Variants in TMIGD3 observed in about 807,000 individuals in gnomAD.
The protein encoded by TMIGD3 is AD026 protein (AD026).
A neutral mutation model predicts 28.1 loss-of-function variants in TMIGD3; 21 were observed. The observed-to-expected ratio is 0.75, with a 90% CI of 0.53 to 1.08. The LOEUF (loss-of-function observed/expected upper bound fraction) is 1.08. Among genes scored for constraint, TMIGD3 ranks in the 50% least tolerant of loss-of-function variants. The pLI is 0.00. For synonymous variants in TMIGD3, 151 were observed against 162.1 expected (o/e 0.93, Z 0.52); for missense variants, 416 against 435.6 (o/e 0.96, Z 0.40).
upstream of TMIGD3, among the ~76,000 whole-genome samples, chr1:111,506,823 C>T (rs1655505528): frequency 6.6e-6 from 1 of 151,020 alleles, no homozygotes; most frequent in Non-Finnish European, 1.5e-5. Context: ...GGCTGGGGCC[C>T]CAAGGTGAGC....
intron 1 of TMIGD3, among the ~76,000 whole-genome samples, chr1:111,562,050 C>T (rs1657762204): frequency 6.6e-6 from 1 of 152,196 alleles, no homozygotes; most frequent in African/African-American, 2.4e-5. Flanking sequence ...TTTTTCTCAA[C>T]TGGGACAGCC....
intron 1 of TMIGD3, among the ~76,000 whole-genome samples, chr1:111,555,090 G>A (rs1657427730): frequency 6.6e-6 from 1 of 151,996 alleles, no homozygotes; most frequent in Non-Finnish European, 1.5e-5. Flanking sequence ...GGCAGGCGGG[G>A]CACAGTGACT....
chr1:111,508,652 G>T (rs772589065), intron 1 of TMIGD3, among the ~76,000 whole-genome samples: 5 of 152,192 alleles, frequency 3.3e-5, no homozygotes, highest in Non-Finnish European at 7.4e-5. Flanking sequence ...AAGCAGCTTT[G>T]CCTTTCAAAC....
At chr1:111,547,037 T>A (rs1657058720) in intron 1 of TMIGD3, among the ~76,000 whole-genome samples, 1 of 152,226 alleles carries the variant, frequency 6.6e-6, no homozygotes. Flanking sequence ...CTGTTGTGCA[T>A]CAAATTATTT....
intron 1 of TMIGD3, among the ~76,000 whole-genome samples, chr1:111,492,628 A>G (rs1654718948): frequency 6.6e-6 from 1 of 152,108 alleles, no homozygotes; most frequent in African/African-American, 2.4e-5. Flanking sequence ...AGCCTGGCCA[A>G]TATGGTGAAA....
Position 111,563,479 on chromosome 1 carries a change from C to G in TMIGD3, c.107+367G>C, listed in dbSNP as rs114329977. On this transcript the variant is annotated intron_variant, in intron 1 of 5. Coordinates refer to the TMIGD3 transcript ENST00000369717. ...GTTTTTCTGAACCTTGAGGGACATTCGGGAGAAACGAGCCTGAGTTTTATA... is the reference window on the plus strand; with the variant it reads ...GTTTTTCTGAACCTTGAGGGACATTGGGGAGAAACGAGCCTGAGTTTTATA... Among the ~76,000 whole-genome samples, 718 of 152,086 alleles carry G rather than the reference C, an allele frequency of 4.7e-3. 5 individuals are homozygous for G. The highest frequency in any genetic ancestry group is 0.016 in the African/African-American group (672 of 41,486).
chr1:111,547,052 A>C (rs781265181), intron 1 of TMIGD3, among the ~76,000 whole-genome samples: 1 of 152,132 alleles, frequency 6.6e-6, no homozygotes, highest in African/African-American at 2.4e-5. Context: ...TTATTTTCCT[A>C]CTTTCATTGT....
chr1:111,526,149 G>A (rs1187554241), intron 1 of TMIGD3, among the ~76,000 whole-genome samples: 2 of 151,950 alleles, frequency 1.3e-5, no homozygotes, highest in Non-Finnish European at 2.9e-5. Flanking sequence ...AAAATTGAGT[G>A]GTAAGTACAG....
intron 1 of TMIGD3, chr1:111,500,621 C>A: frequency 6.7e-7 from 1 of 1,485,288 alleles, no homozygotes; most frequent in South Asian, 1.2e-5. Context: ...GGAGATGGAG[C>A]TGGTAAAGGA....
At chr1:111,530,376 C>T (rs1215793943) in intron 1 of TMIGD3, among the ~76,000 whole-genome samples, 2 of 151,948 alleles carry the variant, frequency 1.3e-5, no homozygotes, top group Non-Finnish European at 2.9e-5. Context: ...AATAAAAGAT[C>T]TTTTATATTT....
intron 1 of TMIGD3, among the ~76,000 whole-genome samples, chr1:111,548,402 C>T (rs970052289): frequency 1.3e-5 from 2 of 152,196 alleles, no homozygotes; most frequent in Non-Finnish European, 2.9e-5. Flanking sequence ...TATATGTCAT[C>T]TCCTGTTATA....
chr1:111,501,781 A>G (rs1016457393), intron 1 of TMIGD3, among the ~76,000 whole-genome samples: 3 of 151,904 alleles, frequency 2.0e-5, no homozygotes, highest in African/African-American at 7.3e-5. Context: ...CTGGGATTTG[A>G]ACCTAGACTG....
At chr1:111,531,121 T>C (rs1282291836) in intron 1 of TMIGD3, among the ~76,000 whole-genome samples, 1 of 152,098 alleles carries the variant, frequency 6.6e-6, no homozygotes, top group Non-Finnish European at 1.5e-5. Context: ...CTACAAAAAA[T>C]GCAAAAATTA....
At chr1:111,487,889 A>G (rs1251157017) in intron 3 of TMIGD3, among the ~76,000 whole-genome samples, 5 of 147,640 alleles carry the variant, frequency 3.4e-5, no homozygotes, top group Admixed American at 2.7e-4. Flanking sequence ...CTGCAGCCTC[A>G]ACCTCCCTGG....
chr1:111,486,652 T>C lies in TMIGD3; in HGVS notation c.806A>G (p.Asp269Gly). Residue 269 changes from aspartate (D) to glycine (G), a missense_variant and splice_region_variant, in exon 4 of 6, where the codon GAC (aspartate) becomes GGC (glycine). Physicochemically the swap from Asp to Gly is moderately conservative, Grantham distance 94. Coordinates refer to ENST00000369716, the MANE Select transcript of TMIGD3 (RefSeq NM_020683.7). ...GCTTCTGGTTTTGTTGCCTGATAGG[T>C]CTGAATCAGAAAGGATTTGTTAAGT... Reference protein sequence around the residue: ...TLANDFWSGKDLSGNKTRSCK... With the variant: ...TLANDFWSGKGLSGNKTRSCK... The C allele has an allele frequency of 6.2e-7, 1 of 1,613,580 alleles. No individual in the cohort carries two copies. The highest frequency in any genetic ancestry group is 8.5e-7 in the Non-Finnish European group (1 of 1,179,852).
chr1:111,506,396 C>T (rs908544873), upstream of TMIGD3, among the ~76,000 whole-genome samples: 2 of 152,226 alleles, frequency 1.3e-5, no homozygotes, highest in Admixed American at 6.5e-5. Context: ...CAGTGTTAAG[C>T]AGCTTCTATT....
chr1:111,499,612 C>T (rs779485854), intron 1 of TMIGD3: 14 of 1,100,634 alleles, frequency 1.3e-5, no homozygotes, highest in African/African-American at 4.9e-5. Context: ...TTCAGCCCAA[C>T]TGGAGCCTTT....
chr1:111,556,488 T>G (rs917304403), intron 1 of TMIGD3, among the ~76,000 whole-genome samples: 1 of 152,090 alleles, frequency 6.6e-6, no homozygotes, highest in Non-Finnish European at 1.5e-5. Flanking sequence ...TGCCATAGGG[T>G]GGAGGCAACC....
At chr1:111,554,902 CA>C (rs1238381357) in intron 1 of TMIGD3, among the ~76,000 whole-genome samples, 2 of 151,902 alleles carry the variant, frequency 1.3e-5, no homozygotes, top group Non-Finnish European at 2.9e-5. Context: ...CACAAGGAAA[CA>C]AAATTCCCTG....
Sources: gnomAD v4.1 joint callset for allele counts (sites outside exome capture counted in the v4.1 genomes callset) on GRCh38, gnomAD v4.1.1 for gene constraint, MANE v1.5 for transcripts, NCBI Gene and HGNC (gene_info 2026-07-23, HGNC 2026-07-21) for gene names.